NAPG: variants seen among roughly 807,000 people sequenced by gnomAD.
The protein encoded by NAPG is NSF attachment protein gamma, also known as gamma-soluble NSF attachment protein.
Under a neutral mutation model 48.4 loss-of-function variants are expected in NAPG, and 25 were observed. The ratio of observed to expected loss-of-function variants is 0.52; its 90% CI spans 0.38 to 0.72. NAPG has a LOEUF of 0.72. NAPG is among the 30% of genes least tolerant of loss of function. The pLI is 0.00. For synonymous variants in NAPG, 139 were observed against 127.2 expected (o/e 1.09, Z -0.62); for missense variants, 359 against 372.5 (o/e 0.96, Z 0.30).
intron 1 of NAPG, among the ~76,000 whole-genome samples, chr18:10,529,055 C>T (rs943373780): frequency 6.6e-6 from 1 of 152,176 alleles, no homozygotes; most frequent in African/African-American, 2.4e-5. Flanking sequence ...GGTATGGCTG[C>T]TAAACCCAAA....
chr18:10,535,315 AG>A (rs2032009280), intron 5 of NAPG, among the ~76,000 whole-genome samples: 1 of 152,246 alleles, frequency 6.6e-6, no homozygotes, highest in African/African-American at 2.4e-5. Flanking sequence ...AAAGAATGTT[AG>A]TAATAGCTGT....
At chr18:10,549,794 AT>A (rs527853162) in intron 11 of NAPG, among the ~76,000 whole-genome samples, 5 of 152,046 alleles carry the variant, frequency 3.3e-5, no homozygotes, top group South Asian at 2.1e-4. Context: ...TATGTAGATA[AT>A]TTTTTTTCTA....
chr18:10,536,730 T>C (rs2032040689), intron 5 of NAPG, among the ~76,000 whole-genome samples: 1 of 152,184 alleles, frequency 6.6e-6, no homozygotes, highest in South Asian at 2.1e-4. Context: ...TATTTTTTGC[T>C]CTATCTACTG....
rs558795446 is a variant in NAPG, at chr18:10,542,711, A to G, written c.506+2312A>G. ...TATGTTTTTACATTAACATGAGTCC[A>G]TAAGATGTCCTAATTTAATACTTTC... On this transcript the variant is annotated intron_variant, in intron 8 of 11. Transcript: ENST00000322897. This position sits in a 1 kb window ranked among gnomAD's most constrained non-coding sequence, Gnocchi z 4.5. Among the ~76,000 whole-genome samples the G allele has an allele frequency of 5.5e-4, 84 of 152,356 alleles. 1 individual carries two copies. The highest frequency in any genetic ancestry group is 1.8e-3 in the African/African-American group (74 of 41,590).
At chr18:10,526,455 C>T (rs888654471) in intron 1 of NAPG, 1 of 411,026 alleles carries the variant, frequency 2.4e-6, no homozygotes. Flanking sequence ...TCTACTTGGG[C>T]GCTCTGCTCC....
rs1388256774 is a variant in NAPG at position 10,539,890 on chromosome 18, A to C, written c.368+19A>C. Reference sequence around the variant, plus strand: ...CTGGAAAGTGAGTGTGAGATGGACAAGTCTCTGCATAGAAGTCTTGTCTTT... The same window carrying C: ...CTGGAAAGTGAGTGTGAGATGGACACGTCTCTGCATAGAAGTCTTGTCTTT... On this transcript the variant is annotated intron_variant, in intron 6 of 11. Transcript: ENST00000322897. This position sits in a 1 kb window ranked among gnomAD's most constrained non-coding sequence, Gnocchi z 4.7. 1 of 1,612,784 alleles carries C rather than the reference A, an allele frequency of 6.2e-7. No homozygotes were observed. Among genetic ancestry groups the C allele is most frequent in the Non-Finnish European group, 8.5e-7 (1 of 1,178,940 alleles).
At chr18:10,536,990 T>A (rs965938736) in intron 5 of NAPG, among the ~76,000 whole-genome samples, 2 of 150,836 alleles carry the variant, frequency 1.3e-5, no homozygotes, top group East Asian at 3.9e-4. Context: ...AGGATCTTGC[T>A]CTGTTGCCCA....
chr18:10,531,749 G>A (rs1357919838), intron 2 of NAPG, among the ~76,000 whole-genome samples: 1 of 152,162 alleles, frequency 6.6e-6, no homozygotes, highest in Non-Finnish European at 1.5e-5. Flanking sequence ...ACAACATTTT[G>A]CAAGTTTCCT....
chr18:10,545,922 G>T (rs941643512), intron 8 of NAPG, among the ~76,000 whole-genome samples: 1 of 152,252 alleles, frequency 6.6e-6, no homozygotes, highest in African/African-American at 2.4e-5. Flanking sequence ...GGACACAGTC[G>T]GGGGAAGGCA....
intron 1 of NAPG, 81 bp downstream of exon 1, chr18:10,526,239 C>CCTTCCCCCCGGGGG: frequency 2.9e-6 from 1 of 349,042 alleles, no homozygotes. Context: ...CCGGGGGGGG[C>CCTTCCCCCCGGGGG]GGGAGGGAGG....
At chr18:10,547,816 A>G (rs368021046) in intron 9 of NAPG, among the ~76,000 whole-genome samples, 2 of 152,208 alleles carry the variant, frequency 1.3e-5, no homozygotes, top group East Asian at 1.9e-4. Flanking sequence ...TGACTTATCA[A>G]TACTATCATT....
chr18:10,540,766 A>G (rs1317759923), intron 8 of NAPG: 1 of 164,810 alleles, frequency 6.1e-6, no homozygotes, highest in Non-Finnish European at 1.3e-5. Context: ...ACACTCACCC[A>G]TGAAAACTGA....
intron 4 of NAPG, 47 bp downstream of exon 4, chr18:10,533,600 T>G (rs2031974268): frequency 1.3e-6 from 2 of 1,527,936 alleles, no homozygotes; most frequent in South Asian, 2.5e-5. Flanking sequence ...ATGTTTTAAA[T>G]GTTGCTGTTT....
chr18:10,537,516 G>T (rs1258745364), intron 5 of NAPG, among the ~76,000 whole-genome samples: 1 of 152,168 alleles, frequency 6.6e-6, no homozygotes, highest in Non-Finnish European at 1.5e-5. Context: ...GGTTGGTTTT[G>T]CTGTCTCAGG....
chr18:10,542,548 GATT>G lies in NAPG; in HGVS notation c.506+2156_506+2158del, dbSNP rs1350941323. On this transcript the variant is annotated intron_variant, in intron 8 of 11. Transcript: ENST00000322897. The surrounding 1 kb of genome is among the most constrained non-coding windows in gnomAD (Gnocchi z 4.5). ...ATTGAAAATATTAACTATGTGCTTAGATTATTATTTGATTGCATCTGTTGCCTA... is the reference window on the plus strand; with the variant it reads ...ATTGAAAATATTAACTATGTGCTTAGATTATTTGATTGCATCTGTTGCCTA... 3.3e-5 allele frequency among the ~76,000 whole-genome samples: 5 copies of G among 152,180 alleles called. No individual in the cohort carries two copies. Among genetic ancestry groups the G allele is most frequent in the Non-Finnish European group, 7.3e-5 (5 of 68,034 alleles).
At chr18:10,533,509 AACTTTG>A in intron 3 of NAPG, 21 bp from the exon 4 acceptor site, 1 of 1,584,814 alleles carries the variant, frequency 6.3e-7, no homozygotes, top group Non-Finnish European at 8.6e-7. Context: ...TTTTTTCCTT[AACTTTG>A]ACTTCGTTAC....
chr18:10,540,421 C>G, intron 8 of NAPG, 22 bp downstream of exon 8: 1 of 1,594,138 alleles, frequency 6.3e-7, no homozygotes, highest in Non-Finnish European at 8.6e-7. Flanking sequence ...AAAACTATTG[C>G]TGTGTGTTTA....
rs1365138382 is a variant in NAPG, at chr18:10,544,388, G to T, written c.507-1938G>T. Reference sequence around the variant, plus strand: ...TCGGAGGGGGCTGATCTCACCGGAGGCTTGGGTCCTTTTCCAAGCTCATTG... The same window carrying T: ...TCGGAGGGGGCTGATCTCACCGGAGTCTTGGGTCCTTTTCCAAGCTCATTG... On this transcript the variant is annotated intron_variant, in intron 8 of 11. Transcript: ENST00000322897. This position sits in a 1 kb window ranked among gnomAD's most constrained non-coding sequence, Gnocchi z 5.1. Among the ~76,000 whole-genome samples the T allele has an allele frequency of 6.6e-6, 1 of 152,188 alleles. No individual in the cohort carries two copies. Among genetic ancestry groups the T allele is most frequent in the African/African-American group, 2.4e-5 (1 of 41,444 alleles).
At chr18:10,536,957 T>G (rs1324499053) in intron 5 of NAPG, among the ~76,000 whole-genome samples, 3 of 130,696 alleles carry the variant, frequency 2.3e-5, no homozygotes, top group African/African-American at 4.0e-5. Context: ...TAATAGCCTG[T>G]TTTTGTTTTT....
Sources: gnomAD v4.1 joint callset for allele counts (sites outside exome capture counted in the v4.1 genomes callset) on GRCh38, gnomAD v4.1.1 for gene constraint, Gnocchi (gnomAD v3.1) non-coding constraint, MANE v1.5 for transcripts, NCBI Gene and HGNC (gene_info 2026-07-23, HGNC 2026-07-21) for gene names.